EPHA6: variants seen among roughly 807,000 people sequenced by gnomAD.
The protein encoded by EPHA6 is ephrin type-A receptor 6.
Under a neutral mutation model 112.0 loss-of-function variants are expected in EPHA6, and 50 were observed. The ratio of observed to expected loss-of-function variants is 0.45; its 90% CI spans 0.36 to 0.56. The LOEUF (loss-of-function observed/expected upper bound fraction) is 0.56. EPHA6 is among the 20% of genes least tolerant of loss of function. The pLI is 0.00. For missense variants in EPHA6, 1,280 were observed against 1,417.4 expected (o/e 0.90, Z 1.56); for synonymous variants, 529 against 490.7 (o/e 1.08, Z -1.03).
At chr3:97,719,098 C>T (rs1175349184) in intron 14 of EPHA6, among the ~76,000 whole-genome samples, 1 of 115,974 alleles carries the variant, frequency 8.6e-6, no homozygotes, top group East Asian at 3.1e-4. Context: ...ACCCCCCCCC[C>T]CACCCCCCCC....
intron 3 of EPHA6, among the ~76,000 whole-genome samples, chr3:97,000,914 C>T (rs2043631185): frequency 6.6e-6 from 1 of 150,510 alleles, no homozygotes; most frequent in Non-Finnish European, 1.5e-5. Flanking sequence ...TCTTTACAGC[C>T]TTCCTAAATC....
rs141474431 is a variant in EPHA6 at position 97,506,007 on chromosome 3, A to G, written c.2200+21948A>G. ...CTTCTTTTGAGAAGTGTCTGTTCAT[A>G]TCCTTTGCCCACGTTTTGATGGGGT... On this transcript the variant is annotated intron_variant, in intron 10 of 17. Coordinates refer to ENST00000389672, the MANE Select transcript of EPHA6 (RefSeq NM_001080448.3). Among the ~76,000 whole-genome samples, 325 of 152,120 alleles carry G rather than the reference A, an allele frequency of 2.1e-3. 2 individuals are homozygous for G. The highest frequency in any genetic ancestry group is 7.2e-3 in the African/African-American group (301 of 41,552).
rs561540256 is a variant in EPHA6, at chr3:97,752,487, CCT to C, written c.*3793_*3794del. 1,060 of 220,916 alleles carry C rather than the reference CCT, an allele frequency of 4.8e-3. 4 individuals are homozygous for C. The highest frequency in any genetic ancestry group is 7.5e-3 in the Non-Finnish European group (830 of 110,234). 13.7% of individuals were successfully genotyped at this position (220,916 alleles called of 1,614,324 possible). A position where few individuals can be genotyped will look rare whatever the true frequency, so the allele number is the denominator to read the frequency against. On this transcript the variant is annotated 3_prime_UTR_variant, in exon 18 of 18. Coordinates refer to ENST00000389672, the MANE Select transcript of EPHA6 (RefSeq NM_001080448.3). ...TCAGCCCTGTTTTTAATTCCCCCATCCTCTCTCTTTATTCCTTTCTCAGCTTC... is the reference window on the plus strand; with the variant it reads ...TCAGCCCTGTTTTTAATTCCCCCATCCTCTCTTTATTCCTTTCTCAGCTTC...
At chr3:97,391,266 GA>G (rs2086380864) in intron 5 of EPHA6, among the ~76,000 whole-genome samples, 1 of 151,890 alleles carries the variant, frequency 6.6e-6, no homozygotes, top group African/African-American at 2.4e-5. Flanking sequence ...CAATTGTCTG[GA>G]AAGACCTTAA....
chr3:96,889,702 A>G (rs939961792), intron 2 of EPHA6, among the ~76,000 whole-genome samples: 2 of 152,216 alleles, frequency 1.3e-5, no homozygotes, highest in African/African-American at 2.4e-5. Context: ...CCAAAATTGT[A>G]TGCAAATTCA....
At chr3:97,121,103 C>G (rs1265976462) in intron 3 of EPHA6, among the ~76,000 whole-genome samples, 1 of 152,018 alleles carries the variant, frequency 6.6e-6, no homozygotes. Flanking sequence ...ACCAATTTCT[C>G]TCTTCCCACT....
chr3:97,258,040 T>C (rs2108612682), intron 5 of EPHA6, among the ~76,000 whole-genome samples: 1 of 152,204 alleles, frequency 6.6e-6, no homozygotes, highest in Non-Finnish European at 1.5e-5. Flanking sequence ...TTTATGATCT[T>C]ATCTTGCTTG....
At chr3:97,381,775 C>T (rs1209724551) in intron 5 of EPHA6, among the ~76,000 whole-genome samples, 2 of 152,000 alleles carry the variant, frequency 1.3e-5, no homozygotes. Flanking sequence ...AATAATCATG[C>T]CTAATTAAAT....
chr3:97,196,274 C>T (rs77222498), intron 3 of EPHA6, among the ~76,000 whole-genome samples: 1,897 of 151,870 alleles, frequency 0.012, 33 homozygotes, highest in African/African-American at 0.044. Flanking sequence ...GAGACTCATA[C>T]ATTCTTCAAT....
intron 6 of EPHA6, among the ~76,000 whole-genome samples, chr3:97,442,415 G>A (rs915335774): frequency 2.6e-5 from 4 of 152,054 alleles, no homozygotes; most frequent in Admixed American, 6.6e-5. Flanking sequence ...GTGAAACCCC[G>A]TTTCTACTAA....
At chr3:97,376,220 T>A (rs2085342548) in intron 5 of EPHA6, among the ~76,000 whole-genome samples, 3 of 152,210 alleles carry the variant, frequency 2.0e-5, no homozygotes, top group Non-Finnish European at 4.4e-5. Flanking sequence ...TAATTCACCC[T>A]AATAGTAGAG....
chr3:96,829,129 A>G (rs1412619445), intron 1 of EPHA6, among the ~76,000 whole-genome samples: 1 of 152,116 alleles, frequency 6.6e-6, no homozygotes, highest in African/African-American at 2.4e-5. Flanking sequence ...AGCACTTCAT[A>G]CTTTATCTTA....
At chr3:97,230,462 AT>A (rs1333911673) in intron 4 of EPHA6, among the ~76,000 whole-genome samples, 1 of 152,142 alleles carries the variant, frequency 6.6e-6, no homozygotes, top group Non-Finnish European at 1.5e-5. Context: ...TATAAATTAT[AT>A]TTCAGAAATG....
chr3:97,253,769 A>G (rs2079214255), intron 5 of EPHA6, among the ~76,000 whole-genome samples: 1 of 152,144 alleles, frequency 6.6e-6, no homozygotes, highest in South Asian at 2.1e-4. Flanking sequence ...TGCTCATATT[A>G]ATGGATGCCA....
At chr3:97,480,664 C>T (rs1045556795) in intron 9 of EPHA6, among the ~76,000 whole-genome samples, 12 of 152,222 alleles carry the variant, frequency 7.9e-5, no homozygotes, top group Admixed American at 7.8e-4. Context: ...TCTGATCTCT[C>T]TTTCTTTTCC....
chr3:97,229,680 TA>T (rs1406972999), intron 4 of EPHA6, among the ~76,000 whole-genome samples: 1 of 152,160 alleles, frequency 6.6e-6, no homozygotes, highest in Non-Finnish European at 1.5e-5. Context: ...CCCAATTTTT[TA>T]AACTTAACTA....
rs1009183810 is a variant in EPHA6 at position 97,274,471 on chromosome 3, C to T, written c.1606+30184C>T. 5.3e-5 allele frequency among the ~76,000 whole-genome samples: 8 copies of T among 152,094 alleles called. No homozygotes were observed. In the East Asian group the frequency reaches 1.2e-3, roughly 22 times the overall value. On this transcript the variant is annotated intron_variant, in intron 5 of 17. Coordinates refer to ENST00000389672, the MANE Select transcript of EPHA6 (RefSeq NM_001080448.3). ...AGGCATTAATGATGGAGGACCCTTG[C>T]GTAGTGAGGAAACCTCTTTCAGCCC...
intron 5 of EPHA6, among the ~76,000 whole-genome samples, chr3:97,353,279 G>T (rs1559913486): frequency 6.6e-6 from 1 of 151,374 alleles, no homozygotes. Flanking sequence ...AAGAGTAAAA[G>T]AAACTTTGTC....
chr3:97,198,158 C>T (rs1349693188), intron 3 of EPHA6, among the ~76,000 whole-genome samples: 3 of 152,076 alleles, frequency 2.0e-5, no homozygotes, highest in South Asian at 4.1e-4. Context: ...TTTTGTTCCT[C>T]CAAAGATGTT....
Sources: allele counts gnomAD v4.1 joint callset (sites outside exome capture counted in the v4.1 genomes callset), GRCh38; gene constraint gnomAD v4.1.1; transcripts MANE v1.5; gene names NCBI Gene and HGNC (gene_info 2026-07-23, HGNC 2026-07-21).